NRP1: variants seen among roughly 807,000 people sequenced by gnomAD.
The protein encoded by NRP1 is neuropilin-1.
Under a neutral mutation model 106.7 loss-of-function variants are expected in NRP1, and 35 were observed. That is an observed-to-expected ratio of 0.33 (90% CI 0.25 to 0.43). The LOEUF (loss-of-function observed/expected upper bound fraction) is 0.43. Ranked by LOEUF, NRP1 falls within the 20% of genes least tolerant of loss-of-function variation. The pLI, the probability that NRP1 is intolerant of heterozygous loss-of-function variation, is 1.00. For missense variants in NRP1, 1,024 were observed against 1,170.4 expected (o/e 0.87, Z 1.83); for synonymous variants, 437 against 417.9 (o/e 1.05, Z -0.56).
intron 2 of NRP1, among the ~76,000 whole-genome samples, chr10:33,274,515 C>T (rs1279382120): frequency 6.6e-6 from 1 of 152,104 alleles, no homozygotes; most frequent in Non-Finnish European, 1.5e-5. Context: ...TGTATTCAGT[C>T]ACTGAATAGC....
In NRP1 at chr10:33,272,065, A is replaced by T. The variant is rs117983932; in HGVS notation, c.249-1209T>A. On this transcript the variant is annotated intron_variant, in intron 2 of 16. Coordinates refer to ENST00000374867, the MANE Select transcript of NRP1 (RefSeq NM_003873.7). Reference sequence around the variant, plus strand: ...GTATCTGGCAATTTAAAAGAGATCAAAGTGGGGGAAATCTTCATGATGCCC... The same window carrying T: ...GTATCTGGCAATTTAAAAGAGATCATAGTGGGGGAAATCTTCATGATGCCC... Among the ~76,000 whole-genome samples the T allele has an allele frequency of 1.2e-3, 187 of 152,342 alleles. 1 individual carries two copies. The highest frequency in any genetic ancestry group is 2.2e-3 in the Non-Finnish European group (148 of 68,034).
chr10:33,221,420 T>C (rs1461498689), intron 8 of NRP1, among the ~76,000 whole-genome samples: 1 of 152,112 alleles, frequency 6.6e-6, no homozygotes, highest in Non-Finnish European at 1.5e-5. Context: ...CTTATATCCA[T>C]TATCTATTAA....
At chr10:33,216,638 C>T (rs147925961) in intron 8 of NRP1, among the ~76,000 whole-genome samples, 2,859 of 149,464 alleles carry the variant, frequency 0.019, 55 homozygotes, top group Non-Finnish European at 0.024. Flanking sequence ...TTTTTGGTCT[C>T]GCTATGTTGC....
intron 13 of NRP1, among the ~76,000 whole-genome samples, chr10:33,188,540 G>C (rs543395583): frequency 1.3e-5 from 2 of 152,146 alleles, no homozygotes; most frequent in East Asian, 1.9e-4. Context: ...CTCTGCCTGA[G>C]GAAGTTCTTA....
chr10:33,226,658 T>G (rs187074730), intron 6 of NRP1, among the ~76,000 whole-genome samples: 2 of 152,204 alleles, frequency 1.3e-5, no homozygotes, highest in Non-Finnish European at 1.5e-5. Flanking sequence ...AGAACAGCTC[T>G]TTAAGTCTGA....
intron 10 of NRP1, among the ~76,000 whole-genome samples, chr10:33,205,130 G>T (rs1415822243): frequency 3.3e-5 from 5 of 152,160 alleles, no homozygotes; most frequent in African/African-American, 1.2e-4. Flanking sequence ...CATTCCCTTA[G>T]GTGTCTCCCC....
At chr10:33,268,863 G>C (rs183303046) in intron 3 of NRP1, among the ~76,000 whole-genome samples, 7 of 151,990 alleles carry the variant, frequency 4.6e-5, no homozygotes, top group Admixed American at 1.3e-4. Context: ...TATACGAAAG[G>C]TGTTCTAAGT....
intron 6 of NRP1, among the ~76,000 whole-genome samples, chr10:33,247,060 T>C (rs1841481534): frequency 6.6e-6 from 1 of 152,146 alleles, no homozygotes; most frequent in South Asian, 2.1e-4. Flanking sequence ...GAAAAGAAAA[T>C]TGTATATGAA....
chr10:33,221,837 T>C lies in NRP1; in HGVS notation c.1164A>G (p.Thr388=), dbSNP rs887626678. The change falls in exon 8 of 17, where the codon ACA becomes ACG. Residue 388 remains threonine (T), a synonymous_variant. Transcript: ENST00000374867. The part of the protein sequence containing the change: ...PVLFQGNTNP[T]DVVVAVFPKP... Reference sequence around the variant, plus strand: ...TGGGGAATACTGCAACCACAACATCTGTGGGGTTGGTGTTTCCCTGAAAGA... The same window carrying C: ...TGGGGAATACTGCAACCACAACATCCGTGGGGTTGGTGTTTCCCTGAAAGA... The C allele has an allele frequency of 6.2e-7, 1 of 1,613,666 alleles. No homozygotes were observed. The highest frequency in any genetic ancestry group is 8.5e-7 in the Non-Finnish European group (1 of 1,179,620).
At chr10:33,314,225 T>G (rs1764151162) in intron 2 of NRP1, among the ~76,000 whole-genome samples, 1 of 152,112 alleles carries the variant, frequency 6.6e-6, no homozygotes, top group Admixed American at 6.5e-5. Flanking sequence ...TAACTAAGAC[T>G]ACGGGCGCAT....
intron 8 of NRP1, among the ~76,000 whole-genome samples, chr10:33,218,346 T>C (rs895127550): frequency 1.3e-5 from 2 of 151,504 alleles, no homozygotes; most frequent in African/African-American, 2.4e-5. Flanking sequence ...TTCTTTCTTT[T>C]TTTTTTTTTT....
chr10:33,287,722 T>C (rs1057416907), intron 2 of NRP1, among the ~76,000 whole-genome samples: 9 of 152,286 alleles, frequency 5.9e-5, no homozygotes, highest in Admixed American at 2.6e-4. Flanking sequence ...CAGAGGCCCA[T>C]AGAGGTGTCT....
intron 6 of NRP1, among the ~76,000 whole-genome samples, chr10:33,250,578 G>A (rs1588845737): frequency 6.6e-6 from 1 of 152,174 alleles, no homozygotes; most frequent in East Asian, 1.9e-4. Context: ...GTATATGAAT[G>A]GGAATAAATG....
chr10:33,223,475 A>G (rs75544215), intron 7 of NRP1, among the ~76,000 whole-genome samples: 26 of 151,312 alleles, frequency 1.7e-4, no homozygotes, highest in African/African-American at 6.3e-4. Context: ...AAAAAAAAAA[A>G]TTAGCCAGGT....
intron 2 of NRP1, among the ~76,000 whole-genome samples, chr10:33,303,154 G>A (rs1255745650): frequency 4.6e-5 from 7 of 152,190 alleles, no homozygotes; most frequent in Admixed American, 4.6e-4. Flanking sequence ...AGAGTGAAGT[G>A]AGGGAGAGAA....
intron 2 of NRP1, among the ~76,000 whole-genome samples, chr10:33,289,806 T>C (rs1293332330): frequency 1.3e-5 from 2 of 152,244 alleles, no homozygotes; most frequent in Non-Finnish European, 2.9e-5. Flanking sequence ...ATCACTAATC[T>C]GAGTGCACGA....
Position 33,195,018 on chromosome 10 carries a change from T to C in NRP1, c.1925-2600A>G, listed in dbSNP as rs189164796. ...TAATCCAGCTAAATCCCTTCTTGAC[T>C]CTTAAAAATAGCAGGAAACAATATT... On this transcript the variant is annotated intron_variant, in intron 12 of 16. Coordinates refer to ENST00000374867, the MANE Select transcript of NRP1 (RefSeq NM_003873.7). 1.1e-3 allele frequency among the ~76,000 whole-genome samples: 166 copies of C among 152,318 alleles called. 1 individual carries two copies. The Middle Eastern group carries it at 0.02, about 19-fold the overall frequency.
At chr10:33,182,610 G>T in intron 16 of NRP1, 88 bp downstream of exon 16, 1 of 865,144 alleles carries the variant, frequency 1.2e-6, no homozygotes, top group Non-Finnish European at 1.9e-6. Context: ...TGACATACCA[G>T]TGTATTAGAG....
chr10:33,324,309 C>A (rs1290421950), intron 2 of NRP1, among the ~76,000 whole-genome samples: 3 of 152,166 alleles, frequency 2.0e-5, no homozygotes, highest in Non-Finnish European at 4.4e-5. Context: ...AGGGTTCATT[C>A]TTCCACCAAT....
Sources: allele counts gnomAD v4.1 joint callset (sites outside exome capture counted in the v4.1 genomes callset), GRCh38; gene constraint gnomAD v4.1.1; transcripts MANE v1.5; gene names NCBI Gene and HGNC (gene_info 2026-07-23, HGNC 2026-07-21).